The following MGMT variants were observed in gnomAD, a reference collection of about 807,000 sequenced individuals.
The protein encoded by MGMT is O-6-methylguanine-DNA methyltransferase.
A neutral mutation model predicts 15.9 loss-of-function variants in MGMT; 14 were observed. That is an observed-to-expected ratio of 0.88 (90% CI 0.58 to 1.37). The LOEUF is 1.37. Ranked by LOEUF, MGMT falls within the 40% of genes most tolerant of loss-of-function variation. The probability of loss-of-function intolerance (pLI) is 0.00; values close to 1 mark genes in which losing one functional copy is unlikely to be tolerated. For synonymous variants in MGMT, 130 were observed against 118.2 expected (o/e 1.10, Z -0.65); for missense variants, 282 against 268.1 (o/e 1.05, Z -0.36).
At chr10:129,534,961 G>A (rs768286861) in intron 1 of MGMT, among the ~76,000 whole-genome samples, 1 of 152,160 alleles carries the variant, frequency 6.6e-6, no homozygotes, top group African/African-American at 2.4e-5. Flanking sequence ...TGCCACTGTA[G>A]CACGGAAGCA....
rs1846358324 is a variant in MGMT at position 129,566,678 on chromosome 10, T to G, written c.125+30301T>G. ...ACTGTTGGTCGTTGGCTGGATCTCGTTGAAGGCCTGCGGAGATTCAGGTGC... is the reference window on the plus strand; with the variant it reads ...ACTGTTGGTCGTTGGCTGGATCTCGGTGAAGGCCTGCGGAGATTCAGGTGC... On this transcript the variant is annotated intron_variant, in intron 2 of 4. Transcript: ENST00000651593. The surrounding 1 kb of genome is among the most constrained non-coding windows in gnomAD (Gnocchi z 4.1). 6.6e-6 allele frequency among the ~76,000 whole-genome samples: 1 copy of G among 152,058 alleles called. No individual in the cohort carries two copies. Among genetic ancestry groups the G allele is most frequent in the Non-Finnish European group, 1.5e-5 (1 of 67,994 alleles).
At position 129,737,117 on chromosome 10, in the gene MGMT, T is replaced by C. The variant is rs534473320; in HGVS notation, c.275-22085T>C. Among the ~76,000 whole-genome samples the C allele has an allele frequency of 5.4e-4, 82 of 152,264 alleles. No individual in the cohort carries two copies. The East Asian group carries it at 0.011, about 21-fold the overall frequency. On this transcript the variant is annotated intron_variant, in intron 3 of 4. Transcript: ENST00000651593. ...CTGAATGTTGGCCTGCCTTGCTAGA[T>C]TGGGGAAGTTCTCCTGGATAATATC...
intron 2 of MGMT, among the ~76,000 whole-genome samples, chr10:129,644,778 G>T (rs1449081113): frequency 6.6e-6 from 1 of 152,246 alleles, no homozygotes; most frequent in Non-Finnish European, 1.5e-5. Flanking sequence ...CGTGGTTAGT[G>T]GATGGAGCCT....
In MGMT at chr10:129,759,205, C is replaced by T. The variant is rs371761124; in HGVS notation, c.278C>T (p.Ser93Leu). ...TATCCTGCATTCTTCCTTTCAGAGT[C>T]GTTCACCAGACAGGTGTTATGGAAG... ...ALHHPVFQQE[S>L]FTRQVLWKLL... The change falls in exon 4 of 5, where the codon TCG becomes TTG. Residue 93 changes from serine (S) to leucine (L), a missense_variant. Transcript: ENST00000651593. 1.1e-4 allele frequency: 175 copies of T among 1,614,086 alleles called. No homozygotes were observed. Among genetic ancestry groups the T allele is most frequent in the Middle Eastern group, 1.6e-4 (1 of 6,084 alleles).
Position 129,757,190 on chromosome 10 carries a change from T to C in MGMT, c.275-2012T>C, listed in dbSNP as rs953161704. Among the ~76,000 whole-genome samples, 28 of 152,212 alleles carry C rather than the reference T, an allele frequency of 1.8e-4. 2 individuals are homozygous for C. Among genetic ancestry groups the C allele is most frequent in the African/African-American group, 2.4e-5 (1 of 41,468 alleles). On this transcript the variant is annotated intron_variant, in intron 3 of 4. Coordinates refer to ENST00000651593, the MANE Select transcript of MGMT (RefSeq NM_002412.5). ...ATGGTTTCCCATGAGAAACTGACAA[T>C]GAAGCTGAACATGTTTGATAAACTC...
intron 2 of MGMT, among the ~76,000 whole-genome samples, chr10:129,619,514 T>G (rs1847066753): frequency 6.6e-6 from 1 of 152,232 alleles, no homozygotes; most frequent in African/African-American, 2.4e-5. Flanking sequence ...CTTCATAAAA[T>G]GAACTGATGT....
intron 2 of MGMT, among the ~76,000 whole-genome samples, chr10:129,627,673 G>A (rs1285263334): frequency 6.6e-6 from 1 of 152,166 alleles, no homozygotes. Flanking sequence ...CCTCATGTTA[G>A]CCTTTTTCCA....
At chr10:129,667,572 C>T (rs971860963) in intron 2 of MGMT, among the ~76,000 whole-genome samples, 2 of 152,128 alleles carry the variant, frequency 1.3e-5, no homozygotes, top group African/African-American at 4.8e-5. Context: ...TAATGATGCC[C>T]CTGCCTGTGG....
chr10:129,711,035 C>G (rs2133145426), intron 3 of MGMT, among the ~76,000 whole-genome samples: 1 of 152,242 alleles, frequency 6.6e-6, no homozygotes, highest in South Asian at 2.1e-4. Flanking sequence ...TGAGTTCCAG[C>G]ACATTGACCA....
In MGMT at chr10:129,708,044, G is replaced by A. The variant is rs758918576; in HGVS notation, c.274+1G>A. 32 of 1,611,018 alleles carry A rather than the reference G, an allele frequency of 2.0e-5. No individual in the cohort carries two copies. The highest frequency in any genetic ancestry group is 1.7e-4 in the Middle Eastern group (1 of 6,050). Reference sequence around the variant, plus strand: ...CTTCACCATCCCGTTTTCCAGCAAGGTCGGTAACTAAGCCATCTGCGGTGT... The same window carrying A: ...CTTCACCATCCCGTTTTCCAGCAAGATCGGTAACTAAGCCATCTGCGGTGT... On this transcript the variant is annotated splice_donor_variant, in intron 3 of 4. Transcript: ENST00000651593. LOFTEE classifies it high-confidence loss of function.
intron 2 of MGMT, among the ~76,000 whole-genome samples, chr10:129,655,798 C>T (rs1847518783): frequency 6.6e-6 from 1 of 152,222 alleles, no homozygotes; most frequent in Non-Finnish European, 1.5e-5. Flanking sequence ...CATGCTCATG[C>T]TCTCTAAATC....
At chr10:129,609,293 T>C (rs1381395303) in intron 2 of MGMT, among the ~76,000 whole-genome samples, 1 of 151,174 alleles carries the variant, frequency 6.6e-6, no homozygotes, top group African/African-American at 2.4e-5. Context: ...GTTGGCCCGA[T>C]CTGGAGCCCC....
chr10:129,541,129 AT>A (rs1415554027), intron 2 of MGMT, among the ~76,000 whole-genome samples: 5 of 152,200 alleles, frequency 3.3e-5, no homozygotes, highest in African/African-American at 1.2e-4. Flanking sequence ...ACAAAGTGTG[AT>A]TCCCGCTCCC....
intron 3 of MGMT, among the ~76,000 whole-genome samples, chr10:129,743,743 C>G (rs1334144199): frequency 6.6e-6 from 1 of 152,232 alleles, no homozygotes; most frequent in Non-Finnish European, 1.5e-5. Flanking sequence ...ATTGTTTTCA[C>G]TTAAACCACA....
At chr10:129,764,019 G>T (rs995344921) in intron 4 of MGMT, among the ~76,000 whole-genome samples, 1 of 152,172 alleles carries the variant, frequency 6.6e-6, no homozygotes, top group African/African-American at 2.4e-5. Flanking sequence ...GTGATGTGCC[G>T]GAAGCCAGAG....
chr10:129,555,053 A>G (rs1846197691), intron 2 of MGMT, among the ~76,000 whole-genome samples: 1 of 152,224 alleles, frequency 6.6e-6, no homozygotes, highest in African/African-American at 2.4e-5. Flanking sequence ...GCCACCCCAT[A>G]GTAAGCACTC....
At chr10:129,501,847 G>A (rs1474795849) in intron 1 of MGMT, among the ~76,000 whole-genome samples, 1 of 152,072 alleles carries the variant, frequency 6.6e-6, no homozygotes, top group Non-Finnish European at 1.5e-5. Context: ...CCCCTTTGCT[G>A]GATGTGCAGG....
At chr10:129,594,246 G>A (rs1846724557) in intron 2 of MGMT, among the ~76,000 whole-genome samples, 1 of 152,206 alleles carries the variant, frequency 6.6e-6, no homozygotes, top group Non-Finnish European at 1.5e-5. Flanking sequence ...TGCATAAGAA[G>A]TCTGAGGGGT....
chr10:129,706,144 G>T (rs932756099), intron 2 of MGMT, among the ~76,000 whole-genome samples: 1 of 152,196 alleles, frequency 6.6e-6, no homozygotes, highest in Non-Finnish European at 1.5e-5. Flanking sequence ...TTCCCGCCCT[G>T]ACACGCACAG....
Sources: gnomAD v4.1 joint callset for allele counts (sites outside exome capture counted in the v4.1 genomes callset) on GRCh38, gnomAD v4.1.1 for gene constraint, Gnocchi (gnomAD v3.1) non-coding constraint, MANE v1.5 for transcripts, NCBI Gene and HGNC (gene_info 2026-07-23, HGNC 2026-07-21) for gene names.